The following CC2D2B variants were observed in gnomAD, a reference collection of about 807,000 sequenced individuals.
CC2D2B encodes the protein coiled-coil and C2 domain containing 2B, also known as protein CC2D2B.
A neutral mutation model predicts 161.2 loss-of-function variants in CC2D2B; 128 were observed. The observed-to-expected ratio is 0.79, with a 90% CI of 0.69 to 0.92. The LOEUF is 0.92. Among genes scored for constraint, CC2D2B ranks in the 40% least tolerant of loss-of-function variants. The probability of loss-of-function intolerance (pLI) is 0.00; values close to 1 mark genes in which losing one functional copy is unlikely to be tolerated. For missense variants in CC2D2B, 1,173 were observed against 1,375.1 expected (o/e 0.85, Z 2.32); for synonymous variants, 391 against 449.8 (o/e 0.87, Z 1.65).
intron 25 of CC2D2B, among the ~76,000 whole-genome samples, chr10:96,007,215 C>T (rs1383225170): frequency 6.6e-6 from 1 of 152,078 alleles, no homozygotes; most frequent in Non-Finnish European, 1.5e-5. Flanking sequence ...GTGTGTTATC[C>T]CTCTCTATGT....
intron 30 of CC2D2B, 99 bp downstream of exon 30, chr10:96,016,413 C>T: frequency 1.3e-6 from 1 of 782,008 alleles, no homozygotes; most frequent in South Asian, 1.5e-5. Flanking sequence ...CATCTCTTCA[C>T]AAACTAATTT....
rs1312008237 is a variant in CC2D2B, at chr10:95,982,550, C to T, written c.2082+437C>T. Reference sequence around the variant, plus strand: ...CTATGTACCTCACACATGCTTTCTTCATACCTTTATTCATGCCACTGCTCT... The same window carrying T: ...CTATGTACCTCACACATGCTTTCTTTATACCTTTATTCATGCCACTGCTCT... On this transcript the variant is annotated intron_variant, in intron 18 of 34. Coordinates refer to ENST00000646931, the MANE Select transcript of CC2D2B (RefSeq NM_001349008.3). Among the ~76,000 whole-genome samples the T allele has an allele frequency of 2.6e-5, 4 of 152,180 alleles. No homozygotes were observed. In the East Asian group the frequency reaches 5.8e-4, roughly 22 times the overall value.
At chr10:95,994,210 G>T (rs559619421) in intron 22 of CC2D2B, among the ~76,000 whole-genome samples, 3 of 151,396 alleles carry the variant, frequency 2.0e-5, no homozygotes, top group South Asian at 4.2e-4. Flanking sequence ...GGTAAGGAGG[G>T]TGAGTCGTCC....
rs996149014 is a variant in CC2D2B, at chr10:96,013,804, T to G, written c.3443T>G (p.Phe1148Cys). The change falls in exon 29 of 35, where the codon TTT becomes TGT. Residue 1148 changes from phenylalanine (F) to cysteine (C), a missense_variant. Phe to Cys is a radical substitution (Grantham distance 205, BLOSUM62 -2). Coordinates refer to ENST00000646931, the MANE Select transcript of CC2D2B (RefSeq NM_001349008.3). ...TTATTCTAGGACCTCATTGCTCGAT[T>G]TGTATCTTTGATTCCTTTTGTGCCT... ...SNATFDLIAR[F>C]VSLIPFVPNT... 6.2e-7 allele frequency: 1 copy of G among 1,602,642 alleles called. No individual in the cohort carries two copies. Among genetic ancestry groups the G allele is most frequent in the African/African-American group, 1.3e-5 (1 of 74,382 alleles).
At chr10:96,029,619 C>T (rs1303463504) in intron 34 of CC2D2B, among the ~76,000 whole-genome samples, 1 of 151,786 alleles carries the variant, frequency 6.6e-6, no homozygotes, top group Non-Finnish European at 1.5e-5. Flanking sequence ...TTACAGTGGT[C>T]CCTTGGTATC....
intron 32 of CC2D2B, among the ~76,000 whole-genome samples, chr10:96,022,169 A>T (rs2079493347): frequency 6.6e-6 from 1 of 151,964 alleles, no homozygotes; most frequent in African/African-American, 2.4e-5. Flanking sequence ...AATACAAAAA[A>T]ATTTAGCTGA....
intron 6 of CC2D2B, among the ~76,000 whole-genome samples, chr10:95,934,725 C>T (rs2075754871): frequency 6.6e-6 from 1 of 152,180 alleles, no homozygotes; most frequent in Non-Finnish European, 1.5e-5. Context: ...CACCCACTGT[C>T]TAATCAGTCC....
intron 9 of CC2D2B, among the ~76,000 whole-genome samples, chr10:95,949,525 G>A (rs898114782): frequency 1.1e-4 from 13 of 114,942 alleles, no homozygotes; most frequent in Non-Finnish European, 2.1e-4. Context: ...GGGGAGGGGG[G>A]AGGGATAGCA....
At chr10:96,029,523 A>G (rs1322323310) in intron 34 of CC2D2B, among the ~76,000 whole-genome samples, 2 of 151,454 alleles carry the variant, frequency 1.3e-5, no homozygotes, top group East Asian at 3.9e-4. Context: ...AAAAACTAAG[A>G]AAAACCTCTA....
At chr10:96,016,166 CT>C (rs1564673750) in intron 29 of CC2D2B, 34 bp from the exon 30 acceptor site, 3 of 1,463,758 alleles carry the variant, frequency 2.0e-6, no homozygotes, top group Admixed American at 1.7e-5. Flanking sequence ...CCGCACTTTT[CT>C]TTTTTTGTTC....
intron 4 of CC2D2B, 83 bp downstream of exon 4, chr10:95,924,473 A>G (rs2098534509): frequency 1.3e-6 from 1 of 746,306 alleles, no homozygotes; most frequent in African/African-American, 1.8e-5. Context: ...TTGTCAAAAG[A>G]GCCGAAATTC....
rs1469050469 is a variant in CC2D2B at position 95,983,572 on chromosome 10, T to A, written c.2083-34T>A. ...GAAGTAATTCCTGAATTAAAAAAAA[T>A]TAATATTTTAACTAAAGACTTTGCG... is the stretch of plus-strand genomic sequence containing the variant. On this transcript the variant is annotated intron_variant, in intron 18 of 34. Coordinates refer to ENST00000646931, the MANE Select transcript of CC2D2B (RefSeq NM_001349008.3). 1.8e-5 allele frequency: 19 copies of A among 1,067,892 alleles called. No individual in the cohort carries two copies. The South Asian group carries it at 1.9e-4, about 11-fold the overall frequency. The allele number at this position is 1,067,892 out of a possible 1,614,324, so 66.2% of individuals were successfully genotyped here. A position where few individuals can be genotyped will look rare whatever the true frequency, so the allele number is the denominator to read the frequency against.
chr10:95,987,849 G>T (rs544811475), intron 19 of CC2D2B, among the ~76,000 whole-genome samples: 1 of 152,162 alleles, frequency 6.6e-6, no homozygotes, highest in Admixed American at 6.5e-5. Flanking sequence ...TAAATGCCAG[G>T]GCCAACTTGA....
intron 19 of CC2D2B, among the ~76,000 whole-genome samples, chr10:95,985,161 T>C (rs2077670249): frequency 6.6e-6 from 1 of 152,342 alleles, no homozygotes; most frequent in African/African-American, 2.4e-5. Flanking sequence ...TGTTCATTGA[T>C]AGGAAGAGTC....
chr10:95,953,920 GC>G (rs1233848560), intron 10 of CC2D2B, among the ~76,000 whole-genome samples: 4 of 152,096 alleles, frequency 2.6e-5, no homozygotes, highest in African/African-American at 9.7e-5. Flanking sequence ...TCTCTCTCCT[GC>G]CCTGCAGCAG....
chr10:95,999,916 C>A, intron 24 of CC2D2B: 1 of 517,792 alleles, frequency 1.9e-6, no homozygotes, highest in South Asian at 1.8e-5. Flanking sequence ...TTTTTCTGAT[C>A]ATTTTCCTTC....
chr10:95,961,940 A>G lies in CC2D2B; in HGVS notation c.1221A>G (p.Thr407=), dbSNP rs2076775255. ...IKSLRHGQGF[T]STPIKLQVQR... Reference sequence around the variant, plus strand: ...CTCTTCGACATGGGCAAGGGTTTACAAGCACCCCAATAAAGTTACAGGTTC... The same window carrying G: ...CTCTTCGACATGGGCAAGGGTTTACGAGCACCCCAATAAAGTTACAGGTTC... Residue 407 remains threonine (T), a synonymous_variant, in exon 12 of 35, where the codon ACA becomes ACG. Transcript: ENST00000646931. 13 of 1,231,562 alleles carry G rather than the reference A, an allele frequency of 1.1e-5. No homozygotes were observed. Among genetic ancestry groups the G allele is most frequent in the Non-Finnish European group, 1.3e-5 (13 of 987,672 alleles). The allele number at this position is 1,231,562 out of a possible 1,614,324, so 76.3% of individuals were successfully genotyped here.
At chr10:96,023,856 G>A (rs1258149570) in intron 32 of CC2D2B, among the ~76,000 whole-genome samples, 1 of 152,234 alleles carries the variant, frequency 6.6e-6, no homozygotes, top group Non-Finnish European at 1.5e-5. Context: ...TCTCAGGTGA[G>A]GGCCAAGAAT....
chr10:95,943,958 T>C (rs564129059), intron 9 of CC2D2B, among the ~76,000 whole-genome samples: 2 of 152,318 alleles, frequency 1.3e-5, no homozygotes, highest in South Asian at 4.1e-4. Flanking sequence ...ATTACAGTTT[T>C]GTTGAGGCTC....
Sources: allele counts gnomAD v4.1 joint callset (sites outside exome capture counted in the v4.1 genomes callset), GRCh38; gene constraint gnomAD v4.1.1; transcripts MANE v1.5; gene names NCBI Gene and HGNC (gene_info 2026-07-23, HGNC 2026-07-21).